The following COMMD10 variants were observed in gnomAD, a reference collection of about 807,000 sequenced individuals.
COMMD10 encodes the protein COMM domain-containing protein 10.
COMMD10 carries 33 observed loss-of-function variants against 28.9 expected under a neutral mutation model. The observed-to-expected ratio is 1.14, with a 90% confidence interval of 0.87 to 1.53. The LOEUF (loss-of-function observed/expected upper bound fraction) is 1.53. Ranked by LOEUF, COMMD10 falls within the 40% of genes most tolerant of loss-of-function variation. The probability of loss-of-function intolerance (pLI) is 0.00; values close to 1 mark genes in which losing one functional copy is unlikely to be tolerated. For synonymous variants in COMMD10, 110 were observed against 81.7 expected, an observed-to-expected ratio of 1.35 and a Z score of -1.87; for missense variants, 310 against 233.4, an observed-to-expected ratio of 1.33 and a Z score of -2.14.
intron 4 of COMMD10, among the ~76,000 whole-genome samples, chr5:116,093,609 CT>C (rs1750373352): frequency 6.6e-6 from 1 of 152,248 alleles, no homozygotes; most frequent in African/African-American, 2.4e-5. Flanking sequence ...CATGCTCCCC[CT>C]GAGTCTTAGG....
At chr5:116,214,377 A>G (rs1447634528) in intron 5 of COMMD10, among the ~76,000 whole-genome samples, 1 of 152,180 alleles carries the variant, frequency 6.6e-6, no homozygotes. Flanking sequence ...TAAATTTTTT[A>G]AAACAAAACT....
chr5:116,264,765 T>G (rs1174169701), intron 5 of COMMD10, among the ~76,000 whole-genome samples: 1 of 151,840 alleles, frequency 6.6e-6, no homozygotes, highest in Non-Finnish European at 1.5e-5. Flanking sequence ...TTGCAAAATG[T>G]CTTGAGCTCC....
intron 4 of COMMD10, among the ~76,000 whole-genome samples, chr5:116,112,144 G>A: frequency 6.6e-6 from 1 of 152,086 alleles, no homozygotes; most frequent in East Asian, 1.9e-4. Context: ...ATCTGTCTGG[G>A]AAAGAAGATT....
At chr5:116,268,338 A>G (rs1045653451) in intron 5 of COMMD10, among the ~76,000 whole-genome samples, 9 of 152,006 alleles carry the variant, frequency 5.9e-5, no homozygotes, top group African/African-American at 2.2e-4. Flanking sequence ...CAGCCAAAAA[A>G]CACATGAAAA....
At chr5:116,212,760 A>G (rs1046212281) in intron 5 of COMMD10, among the ~76,000 whole-genome samples, 77 of 152,140 alleles carry the variant, frequency 5.1e-4, no homozygotes, top group African/African-American at 1.9e-3. Flanking sequence ...AGTGGTATAT[A>G]ACTTAGTACA....
intron 5 of COMMD10, among the ~76,000 whole-genome samples, chr5:116,239,878 G>A (rs1414011933): frequency 3.9e-5 from 6 of 152,184 alleles, no homozygotes; most frequent in African/African-American, 1.4e-4. Context: ...CAGAAACTTT[G>A]TCTTTTCTTC....
At chr5:116,260,789 A>AT (rs139729776) in intron 5 of COMMD10, among the ~76,000 whole-genome samples, 5 of 151,752 alleles carry the variant, frequency 3.3e-5, no homozygotes, top group Admixed American at 3.3e-4. Context: ...AATTTGTCAT[A>AT]TTTTTTATAA....
At chr5:116,126,776 A>G (rs1332573399) in intron 4 of COMMD10, among the ~76,000 whole-genome samples, 3 of 152,238 alleles carry the variant, frequency 2.0e-5, no homozygotes, top group Non-Finnish European at 4.4e-5. Context: ...AAATTAATTC[A>G]AGATAGTTTA....
chr5:116,174,478 G>T (rs557406690), intron 5 of COMMD10, among the ~76,000 whole-genome samples: 5 of 152,254 alleles, frequency 3.3e-5, no homozygotes, highest in African/African-American at 1.2e-4. Context: ...TATAGCTACT[G>T]CACAGAAAAC....
At chr5:116,174,226 C>A (rs1753430877) in intron 5 of COMMD10, among the ~76,000 whole-genome samples, 1 of 152,014 alleles carries the variant, frequency 6.6e-6, no homozygotes, top group South Asian at 2.1e-4. Flanking sequence ...AGTAAGAACA[C>A]CAATTGCAAA....
intron 5 of COMMD10, among the ~76,000 whole-genome samples, chr5:116,272,523 G>A (rs1169393486): frequency 3.3e-5 from 5 of 151,730 alleles, no homozygotes; most frequent in Admixed American, 3.3e-4. Context: ...AAAATGACTT[G>A]AACATCCCAG....
At chr5:116,233,360 T>C (rs1749576346) in intron 5 of COMMD10, among the ~76,000 whole-genome samples, 1 of 152,098 alleles carries the variant, frequency 6.6e-6, no homozygotes, top group Non-Finnish European at 1.5e-5. Context: ...AAACATAGTA[T>C]ATATAAGGGT....
chr5:116,285,544 T>G (rs1002421775), intron 5 of COMMD10, among the ~76,000 whole-genome samples: 1 of 151,964 alleles, frequency 6.6e-6, no homozygotes, highest in Non-Finnish European at 1.5e-5. Flanking sequence ...CATTATGGAT[T>G]GAAAGAGAAA....
chr5:116,283,692 T>A (rs1302003030), intron 5 of COMMD10, among the ~76,000 whole-genome samples: 1 of 151,716 alleles, frequency 6.6e-6, no homozygotes, highest in East Asian at 1.9e-4. Flanking sequence ...TTTAACCAAA[T>A]CTGATCAATG....
At chr5:116,202,283 C>G (rs1420833389) in intron 5 of COMMD10, among the ~76,000 whole-genome samples, 2 of 151,290 alleles carry the variant, frequency 1.3e-5, no homozygotes, top group Non-Finnish European at 3.0e-5. Flanking sequence ...TCCAGTCTAT[C>G]ATTGTTGGAC....
chr5:116,242,844 A>G (rs1749847107), intron 5 of COMMD10, among the ~76,000 whole-genome samples: 1 of 152,220 alleles, frequency 6.6e-6, no homozygotes, highest in Non-Finnish European at 1.5e-5. Context: ...AGCTAATATA[A>G]GAAAAGTAAA....
At chr5:116,164,796 G>A (rs1753039381) in intron 5 of COMMD10, among the ~76,000 whole-genome samples, 1 of 152,088 alleles carries the variant, frequency 6.6e-6, no homozygotes, top group African/African-American at 2.4e-5. Context: ...ATGTTCTTAG[G>A]GGGGTTGTGT....
chr5:116,129,077 G>A (rs942443544), intron 4 of COMMD10, among the ~76,000 whole-genome samples: 1 of 151,790 alleles, frequency 6.6e-6, no homozygotes, highest in African/African-American at 2.4e-5. Context: ...AATTCCACGT[G>A]AGACTTTCTC....
At chr5:116,160,968 T>C (rs542679706) in intron 5 of COMMD10, among the ~76,000 whole-genome samples, 1 of 152,256 alleles carries the variant, frequency 6.6e-6, no homozygotes, top group African/African-American at 2.4e-5. Context: ...TTTCAGGTAT[T>C]TTTTTCATGT....
Sources: allele counts gnomAD v4.1 joint callset (sites outside exome capture counted in the v4.1 genomes callset), GRCh38; gene constraint gnomAD v4.1.1; transcripts MANE v1.5; gene names NCBI Gene and HGNC (gene_info 2026-07-23, HGNC 2026-07-21).